The following PRDM5 variants were observed in gnomAD, a reference collection of about 807,000 sequenced individuals.
PRDM5 encodes the protein PR/SET domain 5.
In PRDM5, 56 loss-of-function variants were observed where a neutral mutation model predicts 81.2. The observed-to-expected ratio is 0.69, with a 90% CI of 0.56 to 0.86. The LOEUF is 0.86. Among genes scored for constraint, PRDM5 ranks in the 40% least tolerant of loss-of-function variants. The pLI is 0.00. For synonymous variants in PRDM5, 267 were observed against 256.4 expected (o/e 1.04, Z -0.39); for missense variants, 697 against 770.1 (o/e 0.91, Z 1.12).
At chr4:120,697,594 C>T (rs752088814) in intron 15 of PRDM5, among the ~76,000 whole-genome samples, 1 of 150,624 alleles carries the variant, frequency 6.6e-6, no homozygotes, top group Non-Finnish European at 1.5e-5. Flanking sequence ...ACTGCAGCCT[C>T]GACCTCCCTC....
chr4:120,851,698 T>C (rs1395901227), intron 3 of PRDM5, among the ~76,000 whole-genome samples: 2 of 152,182 alleles, frequency 1.3e-5, no homozygotes, highest in Admixed American at 1.3e-4. Context: ...CATTAGGAAA[T>C]TAAGTAGTCT....
chr4:120,907,518 G>A lies in PRDM5; in HGVS notation c.133C>T (p.Pro45Ser). The change falls in exon 2 of 16, where the codon CCT becomes TCT. Residue 45 changes from proline (P) to serine (S), a missense_variant. Pro to Ser is a moderately conservative substitution (Grantham distance 74). This residue lies in a region of PRDM5 where 577 missense variants were observed against 606.7 expected (regional missense o/e 0.95). Transcript: ENST00000264808. The part of the protein sequence containing the change: ...FGPFAGEKRM[P>S]EDLDENMDYR... ...TCCATATTTTCATCCAAGTCTTCAG[G>A]CATTCTCTTCTCTCCAGCAAAGGGT... 1 of 1,612,770 alleles carries A rather than the reference G, an allele frequency of 6.2e-7. No homozygotes were observed. Among genetic ancestry groups the A allele is most frequent in the Non-Finnish European group, 8.5e-7 (1 of 1,178,956 alleles).
intron 3 of PRDM5, chr4:120,839,279 G>T: frequency 1.4e-6 from 1 of 703,042 alleles, no homozygotes; most frequent in South Asian, 1.5e-5. Flanking sequence ...CTTGTCCTGT[G>T]ACCAGGAAAA....
chr4:120,752,187 C>A (rs1297339344), intron 14 of PRDM5, among the ~76,000 whole-genome samples: 6 of 152,160 alleles, frequency 3.9e-5, no homozygotes, highest in African/African-American at 2.4e-5. Context: ...TAGCTGATAA[C>A]CTTAGTAGGC....
At chr4:120,825,191 T>C (rs1755802747) in intron 3 of PRDM5, among the ~76,000 whole-genome samples, 2 of 152,162 alleles carry the variant, frequency 1.3e-5, no homozygotes, top group Non-Finnish European at 2.9e-5. Context: ...AAAATAGTAG[T>C]GCCTATCTCA....
chr4:120,896,656 T>TTC (rs1241365767), intron 2 of PRDM5: 13 of 110,410 alleles, frequency 1.2e-4, no homozygotes, highest in East Asian at 1.2e-3. Context: ...GCTTAAATAT[T>TTC]TCACACACAC....
intron 13 of PRDM5, among the ~76,000 whole-genome samples, chr4:120,758,961 T>C (rs1745198171): frequency 6.6e-6 from 1 of 152,078 alleles, no homozygotes; most frequent in Non-Finnish European, 1.5e-5. Flanking sequence ...TTCACCTTGT[T>C]AGCCAGGATG....
At chr4:120,758,800 G>A (rs1342897577) in intron 13 of PRDM5, among the ~76,000 whole-genome samples, 1 of 150,996 alleles carries the variant, frequency 6.6e-6, no homozygotes, top group Non-Finnish European at 1.5e-5. Context: ...CTGTTGCCCA[G>A]GCTGGAGTGC....
downstream of PRDM5, among the ~76,000 whole-genome samples, chr4:120,687,349 C>G (rs887100290): frequency 1.8e-4 from 28 of 152,022 alleles, no homozygotes; most frequent in African/African-American, 6.5e-4. Flanking sequence ...AGTTTGGCTA[C>G]TTTAGATACC....
intron 14 of PRDM5, among the ~76,000 whole-genome samples, chr4:120,746,918 G>C (rs1460970255): frequency 6.6e-6 from 1 of 150,952 alleles, no homozygotes; most frequent in Non-Finnish European, 1.5e-5. Context: ...ATTTGACCCT[G>C]CCATCCCATT....
intron 12 of PRDM5, among the ~76,000 whole-genome samples, chr4:120,780,374 T>C (rs1748862743): frequency 6.6e-6 from 1 of 151,994 alleles, no homozygotes; most frequent in South Asian, 2.1e-4. Context: ...AGCCCAGGTG[T>C]TCAAGGATAC....
intron 10 of PRDM5, among the ~76,000 whole-genome samples, chr4:120,790,670 T>C (rs1750431817): frequency 6.6e-6 from 1 of 152,214 alleles, no homozygotes; most frequent in African/African-American, 2.4e-5. Flanking sequence ...AGCCAGTTCC[T>C]GAGTAGCAAA....
At chr4:120,850,132 G>A (rs925883807) in intron 3 of PRDM5, among the ~76,000 whole-genome samples, 1 of 151,938 alleles carries the variant, frequency 6.6e-6, no homozygotes, top group African/African-American at 2.4e-5. Flanking sequence ...ATAATCCCTT[G>A]TCCAAAAAAG....
At position 120,898,001 on chromosome 4, in the gene PRDM5, T is replaced by A. The variant is rs557631090; in HGVS notation, c.177+9473A>T. ...GGTCCTATCTCTTCATGTCTAGTCA[T>A]TTTTTATAAAATGCTGGATATTTTA... On this transcript the variant is annotated intron_variant, in intron 2 of 15. Transcript: ENST00000264808. 6.6e-5 allele frequency among the ~76,000 whole-genome samples: 10 copies of A among 152,286 alleles called. No homozygotes were observed. The South Asian group carries it at 2.1e-3, about 32-fold the overall frequency.
At chr4:120,846,395 T>A (rs1314951788) in intron 3 of PRDM5, among the ~76,000 whole-genome samples, 6 of 152,216 alleles carry the variant, frequency 3.9e-5, no homozygotes, top group African/African-American at 1.2e-4. Context: ...ACCACCCTGA[T>A]CAATCAGCAG....
At chr4:120,812,691 G>C in intron 7 of PRDM5, 1 of 313,200 alleles carries the variant, frequency 3.2e-6, no homozygotes, top group Non-Finnish European at 6.0e-6. Flanking sequence ...CAGATGGGTA[G>C]TTTGCAAATA....
intron 2 of PRDM5, among the ~76,000 whole-genome samples, chr4:120,882,656 T>C (rs1193330171): frequency 6.6e-6 from 1 of 152,240 alleles, no homozygotes; most frequent in Non-Finnish European, 1.5e-5. Context: ...CAAATCTCTA[T>C]ATTATTACTA....
At chr4:120,746,145 T>G (rs1742980161) in intron 14 of PRDM5, among the ~76,000 whole-genome samples, 1 of 38,888 alleles carries the variant, frequency 2.6e-5, no homozygotes, top group Non-Finnish European at 4.9e-5. Context: ...TACAACTATC[T>G]GATCTTTGAC....
chr4:120,709,565 C>T (rs1375670216), intron 15 of PRDM5, among the ~76,000 whole-genome samples: 3 of 152,216 alleles, frequency 2.0e-5, no homozygotes, highest in South Asian at 4.2e-4. Flanking sequence ...GATCTAAGTT[C>T]TGGAATTTCC....
Sources: allele counts gnomAD v4.1 joint callset (sites outside exome capture counted in the v4.1 genomes callset), GRCh38; gene constraint gnomAD v4.1.1; regional missense constraint gnomAD v4.1.1; transcripts MANE v1.5; gene names NCBI Gene and HGNC (gene_info 2026-07-23, HGNC 2026-07-21).